CSMD2: variants seen among roughly 807,000 people sequenced by gnomAD.
CSMD2 encodes the protein CUB and Sushi multiple domains 2, also known as CUB and sushi domain-containing protein 2.
CSMD2 carries 130 observed loss-of-function variants against 398.5 expected under a neutral mutation model. The observed-to-expected ratio is 0.33, with a 90% CI of 0.28 to 0.38. CSMD2 has a LOEUF of 0.38. Ranked by LOEUF, CSMD2 falls within the 10% of genes least tolerant of loss-of-function variation. The pLI is 1.00. For missense variants in CSMD2, 3,829 were observed against 4,764.9 expected, an observed-to-expected ratio of 0.80 and a Z score of 5.78; for synonymous variants, 1,828 against 1,908.5, an observed-to-expected ratio of 0.96 and a Z score of 1.10.
intron 10 of CSMD2, among the ~76,000 whole-genome samples, chr1:33,802,335 G>A (rs953440534): frequency 1.5e-4 from 23 of 152,166 alleles, no homozygotes; most frequent in African/African-American, 5.6e-4. Flanking sequence ...ATTGAGTACA[G>A]ACATATCCTT....
At chr1:33,736,519 AAC>A (rs1161718629) in intron 15 of CSMD2, among the ~76,000 whole-genome samples, 1 of 152,186 alleles carries the variant, frequency 6.6e-6, no homozygotes, top group Non-Finnish European at 1.5e-5. Context: ...AAGATCCATT[AAC>A]AAAGGTCAAA....
At chr1:33,679,438 G>C (rs1045300258) in intron 25 of CSMD2, among the ~76,000 whole-genome samples, 1 of 152,078 alleles carries the variant, frequency 6.6e-6, no homozygotes. Flanking sequence ...CTGACCTCGT[G>C]ATCCACCCAC....
intron 4 of CSMD2, 95 bp downstream of exon 4, chr1:33,935,665 G>T: frequency 7.6e-7 from 1 of 1,309,436 alleles, no homozygotes; most frequent in Non-Finnish European, 1.0e-6. Context: ...CTGCTGGGGT[G>T]TAGCTTTGCC....
At position 33,662,862 on chromosome 1, in the gene CSMD2, G is replaced by A. The variant is rs745709449; in HGVS notation, c.4255+28C>T. On this transcript the variant is annotated intron_variant, in intron 26 of 70. Transcript: ENST00000373381. ...GGTGCCATGTGTCAGGACATGTGGA[G>A]TGGGGCTGGCAGAGGGCACGCACAG... 9.3e-6 allele frequency: 15 copies of A among 1,607,384 alleles called. No homozygotes were observed. In the South Asian group the frequency reaches 1.5e-4, roughly 16 times the overall value.
Position 33,844,372 on chromosome 1 carries a change from C to T in CSMD2, c.1033+2512G>A, listed in dbSNP as rs1001322000. On this transcript the variant is annotated intron_variant, in intron 6 of 70. Transcript: ENST00000373381. ...GCATCTAATGGGCAGAGGCCAAGCA[C>T]GCTGCTAAACATCCTGCTATGCACA... Among the ~76,000 whole-genome samples the T allele has an allele frequency of 4.6e-5, 7 of 152,184 alleles. No homozygotes were observed. The South Asian group carries it at 6.2e-4, about 13-fold the overall frequency.
chr1:34,090,839 T>G (rs1473590150), intron 1 of CSMD2, among the ~76,000 whole-genome samples: 1 of 152,114 alleles, frequency 6.6e-6, no homozygotes, highest in Non-Finnish European at 1.5e-5. Context: ...TGCTCTTCAA[T>G]AAGGAAAATT....
chr1:34,081,813 G>A (rs1657179220), intron 2 of CSMD2, among the ~76,000 whole-genome samples: 1 of 152,182 alleles, frequency 6.6e-6, no homozygotes, highest in African/African-American at 2.4e-5. Context: ...GCCTCTGCAT[G>A]GCCGCCACCC....
At chr1:33,991,097 C>A (rs575073773) in intron 3 of CSMD2, among the ~76,000 whole-genome samples, 1 of 151,678 alleles carries the variant, frequency 6.6e-6, no homozygotes, top group Non-Finnish European at 1.5e-5. Flanking sequence ...TAGATCACTG[C>A]AGCCTAGAAC....
intron 55 of CSMD2, 93 bp downstream of exon 55, chr1:33,557,636 ACACAC>A (rs1658143826): frequency 1.0e-6 from 1 of 1,002,304 alleles, no homozygotes; most frequent in Non-Finnish European, 1.5e-6. Flanking sequence ...ACACACACAC[ACACAC>A]ACACACACAC....
intron 1 of CSMD2, among the ~76,000 whole-genome samples, chr1:34,154,434 A>G (rs548265398): frequency 1.1e-3 from 162 of 152,334 alleles, no homozygotes; most frequent in Non-Finnish European, 1.9e-3. Flanking sequence ...GGGAATGTAC[A>G]AGGATGTTCT....
intron 6 of CSMD2, 93 bp downstream of exon 6, chr1:33,846,791 C>T: frequency 1.5e-6 from 1 of 682,236 alleles, no homozygotes; most frequent in South Asian, 2.7e-5. Context: ...ATGCCTGAAG[C>T]CACACCGGAC....
chr1:33,684,626 C>A (rs1191282848), intron 25 of CSMD2, among the ~76,000 whole-genome samples: 1 of 152,242 alleles, frequency 6.6e-6, no homozygotes, highest in Admixed American at 6.5e-5. Flanking sequence ...TGCCACAGAT[C>A]TTCCTGAAGT....
At chr1:33,649,281 T>C (rs1643629106) in intron 28 of CSMD2, among the ~76,000 whole-genome samples, 1 of 152,204 alleles carries the variant, frequency 6.6e-6, no homozygotes, top group Non-Finnish European at 1.5e-5. Context: ...TCCTCAGCAT[T>C]GTCCACAGGC....
At chr1:34,151,138 T>C (rs1640278825) in intron 1 of CSMD2, among the ~76,000 whole-genome samples, 1 of 152,200 alleles carries the variant, frequency 6.6e-6, no homozygotes, top group African/African-American at 2.4e-5. Flanking sequence ...ACCTTCTGAA[T>C]GAAGTCTTCC....
intron 25 of CSMD2, among the ~76,000 whole-genome samples, chr1:33,671,693 C>T (rs1255786911): frequency 6.6e-6 from 1 of 152,142 alleles, no homozygotes; most frequent in Non-Finnish European, 1.5e-5. Context: ...CTGTGCTTTG[C>T]TGAGGCTAGT....
intron 21 of CSMD2, among the ~76,000 whole-genome samples, chr1:33,710,262 C>T (rs1447139031): frequency 6.6e-6 from 1 of 152,136 alleles, no homozygotes; most frequent in Non-Finnish European, 1.5e-5. Context: ...GAGCACCTCC[C>T]ATATTGCACC....
chr1:33,843,427 A>G (rs1661052264), intron 6 of CSMD2, among the ~76,000 whole-genome samples: 1 of 152,172 alleles, frequency 6.6e-6, no homozygotes, highest in East Asian at 1.9e-4. Context: ...TTTATCTGGG[A>G]AAAAATCTCT....
intron 2 of CSMD2, among the ~76,000 whole-genome samples, chr1:34,088,309 G>A (rs564778035): frequency 2.4e-4 from 37 of 152,276 alleles, no homozygotes; most frequent in African/African-American, 7.0e-4. Context: ...GCTGGCCTCC[G>A]GGTCACCTAG....
intron 11 of CSMD2, among the ~76,000 whole-genome samples, chr1:33,790,657 G>GTCTATCTATCTATCTA (rs766980791): frequency 5.0e-5 from 6 of 120,280 alleles, no homozygotes; most frequent in African/African-American, 1.7e-4. Flanking sequence ...TTTGCTGTTT[G>GTCTATCTATCTATCTA]TCTGTCTATC....
Sources: gnomAD v4.1 joint callset for allele counts (sites outside exome capture counted in the v4.1 genomes callset) on GRCh38, gnomAD v4.1.1 for gene constraint, MANE v1.5 for transcripts, NCBI Gene and HGNC (gene_info 2026-07-23, HGNC 2026-07-21) for gene names.